NUDT3: variants seen among roughly 807,000 people sequenced by gnomAD.
NUDT3 encodes the protein nudix hydrolase 3, also known as diphosphoinositol polyphosphate phosphohydrolase 1.
NUDT3 carries 9 observed loss-of-function variants against 23.6 expected under a neutral mutation model. That is an observed-to-expected ratio of 0.38 (90% CI 0.23 to 0.66). The LOEUF is 0.66. NUDT3 is among the 30% of genes least tolerant of loss of function. NUDT3 has a pLI of 0.52. For missense variants in NUDT3, 172 were observed against 218.5 expected (o/e 0.79, Z 1.34); for synonymous variants, 86 against 82.6 (o/e 1.04, Z -0.22).
intron 1 of NUDT3, among the ~76,000 whole-genome samples, chr6:34,380,674 G>A (rs1450445004): frequency 1.3e-5 from 2 of 152,158 alleles, no homozygotes; most frequent in South Asian, 2.1e-4. Context: ...CCTTGGGGAT[G>A]AGAAAAAGGG....
chr6:34,391,500 A>G (rs946109825), intron 1 of NUDT3, among the ~76,000 whole-genome samples: 5 of 152,306 alleles, frequency 3.3e-5, no homozygotes, highest in South Asian at 4.1e-4. Flanking sequence ...AACTGATTCT[A>G]AAACATTATT....
At chr6:34,382,072 C>CA (rs957166787) in intron 1 of NUDT3, among the ~76,000 whole-genome samples, 1,328 of 34,514 alleles carry the variant, frequency 0.038, 53 homozygotes, top group African/African-American at 0.058. Flanking sequence ...GACTCTATCT[C>CA]AAAAAAAAAA....
At chr6:34,311,377 A>G (rs1039627505) in intron 2 of NUDT3, among the ~76,000 whole-genome samples, 11 of 152,208 alleles carry the variant, frequency 7.2e-5, no homozygotes, top group African/African-American at 2.4e-5. Context: ...TAAATTTAAA[A>G]CACACATGTA....
rs1362079567 is a variant in NUDT3, at chr6:34,285,389, A to G, written c.*3364T>C. On this transcript the variant is annotated 3_prime_UTR_variant, in exon 5 of 5. Coordinates refer to ENST00000607016, the MANE Select transcript of NUDT3 (RefSeq NM_006703.4). ...ACATGACCTTACTAGTGTTTCCCCA[A>G]TGACTGTAATTTATAAACTAAAAAT... 1 of 152,192 alleles carries G rather than the reference A, an allele frequency of 6.6e-6. No individual in the cohort carries two copies. The highest frequency in any genetic ancestry group is 2.4e-5 in the African/African-American group (1 of 41,444). 9.4% of individuals were successfully genotyped at this position (152,192 alleles called of 1,614,324 possible). A position where few individuals can be genotyped will look rare whatever the true frequency, so the allele number is the denominator to read the frequency against.
In NUDT3 at chr6:34,381,965, C is replaced by T. The variant is rs1247059764; in HGVS notation, c.99+10299G>A. Among the ~76,000 whole-genome samples, 7 of 147,126 alleles carry T rather than the reference C, an allele frequency of 4.8e-5. No individual in the cohort carries two copies. The South Asian group carries it at 6.5e-4, about 14-fold the overall frequency. On this transcript the variant is annotated intron_variant, in intron 1 of 4. Coordinates refer to ENST00000607016, the MANE Select transcript of NUDT3 (RefSeq NM_006703.4). The stretch of plus-strand genomic sequence containing the variant: ...GTGGACACCTGTAACCCCAGCTACT[C>T]GGGAGGCTGACACAGGAAAATCACC...
chr6:34,307,483 G>A (rs1257276072), intron 2 of NUDT3, among the ~76,000 whole-genome samples: 1 of 152,026 alleles, frequency 6.6e-6, no homozygotes, highest in Non-Finnish European at 1.5e-5. Flanking sequence ...GGGTGAGATG[G>A]GAGGATCGCT....
At chr6:34,354,735 G>GTGTATA (rs569874972) in intron 1 of NUDT3, among the ~76,000 whole-genome samples, 162 of 120,692 alleles carry the variant, frequency 1.3e-3, no homozygotes, top group African/African-American at 4.5e-3. Context: ...GGGGGAAAAA[G>GTGTATA]TATATATATA....
At chr6:34,382,413 C>T (rs1765035412) in intron 1 of NUDT3, among the ~76,000 whole-genome samples, 1 of 152,014 alleles carries the variant, frequency 6.6e-6, no homozygotes, top group South Asian at 2.1e-4. Context: ...AAAACACAAA[C>T]AAACAAATTT....
At chr6:34,356,765 A>T (rs543332809) in intron 1 of NUDT3, among the ~76,000 whole-genome samples, 1 of 152,046 alleles carries the variant, frequency 6.6e-6, no homozygotes, top group South Asian at 2.1e-4. Context: ...AGGTATAATT[A>T]TGGAATTGTG....
At chr6:34,357,296 G>C in intron 1 of NUDT3, among the ~76,000 whole-genome samples, 1 of 152,150 alleles carries the variant, frequency 6.6e-6, no homozygotes, top group South Asian at 2.1e-4. Context: ...TCCACTTTGG[G>C]AGAGGTTTTA....
intron 2 of NUDT3, among the ~76,000 whole-genome samples, chr6:34,306,935 T>C (rs1763689956): frequency 6.6e-6 from 1 of 152,248 alleles, no homozygotes; most frequent in Non-Finnish European, 1.5e-5. Flanking sequence ...AGCAATTCTT[T>C]TTTAAACGCT....
At chr6:34,373,867 T>C (rs1472512142) in intron 1 of NUDT3, among the ~76,000 whole-genome samples, 2 of 152,140 alleles carry the variant, frequency 1.3e-5, no homozygotes, top group African/African-American at 4.8e-5. Flanking sequence ...AATATATTTT[T>C]ATTCGGCTGG....
At chr6:34,349,012 A>G (rs1242784699) in intron 1 of NUDT3, among the ~76,000 whole-genome samples, 1 of 152,168 alleles carries the variant, frequency 6.6e-6, no homozygotes, top group East Asian at 1.9e-4. Context: ...GGCATGGTTA[A>G]TATTTTTTAT....
chr6:34,359,931 T>A (rs1764620849), intron 1 of NUDT3, among the ~76,000 whole-genome samples: 2 of 152,012 alleles, frequency 1.3e-5, no homozygotes, highest in African/African-American at 2.4e-5. Context: ...CACTTGTTAT[T>A]TTCCACTCTA....
intron 2 of NUDT3, among the ~76,000 whole-genome samples, chr6:34,318,876 T>C (rs1763899042): frequency 6.6e-6 from 1 of 152,114 alleles, no homozygotes; most frequent in Non-Finnish European, 1.5e-5. Context: ...ACATGCTTCT[T>C]TGTGCTCATA....
intron 1 of NUDT3, among the ~76,000 whole-genome samples, chr6:34,372,854 A>G (rs1359588829): frequency 1.3e-5 from 2 of 151,914 alleles, no homozygotes; most frequent in African/African-American, 4.8e-5. Flanking sequence ...ATAAACCAAT[A>G]ATTTATCAAT....
intron 1 of NUDT3, among the ~76,000 whole-genome samples, chr6:34,353,489 A>C (rs977930645): frequency 1.1e-4 from 16 of 150,808 alleles, no homozygotes; most frequent in African/African-American, 3.7e-4. Flanking sequence ...ACAACCTCCA[A>C]CTCCGGGGTT....
At chr6:34,340,113 T>A (rs1764266769) in intron 2 of NUDT3, among the ~76,000 whole-genome samples, 1 of 152,164 alleles carries the variant, frequency 6.6e-6, no homozygotes, top group Non-Finnish European at 1.5e-5. Flanking sequence ...GTGTCCTGCA[T>A]TTGAAAAGAA....
intron 4 of NUDT3, among the ~76,000 whole-genome samples, chr6:34,291,742 A>G (rs1561897049): frequency 6.6e-6 from 1 of 152,122 alleles, no homozygotes; most frequent in Non-Finnish European, 1.5e-5. Flanking sequence ...ACCTCAAGTG[A>G]TTCGCCTGCC....
Sources: allele counts gnomAD v4.1 joint callset (sites outside exome capture counted in the v4.1 genomes callset), GRCh38; gene constraint gnomAD v4.1.1; transcripts MANE v1.5; gene names NCBI Gene and HGNC (gene_info 2026-07-23, HGNC 2026-07-21).